IPCEF1: variants seen among roughly 807,000 people sequenced by gnomAD.
The protein encoded by IPCEF1 is interaction protein for cytohesin exchange factors 1, also known as interactor protein for cytohesin exchange factors 1.
Under a neutral mutation model 50.9 loss-of-function variants are expected in IPCEF1, and 31 were observed. The observed-to-expected ratio is 0.61, with a 90% CI of 0.46 to 0.82. The LOEUF (loss-of-function observed/expected upper bound fraction) is 0.82. IPCEF1 is among the 40% of genes least tolerant of loss of function. The pLI is 0.00. For missense variants in IPCEF1, 458 were observed against 514.0 expected, an observed-to-expected ratio of 0.89 and a Z score of 1.05; for synonymous variants, 181 against 192.0, an observed-to-expected ratio of 0.94 and a Z score of 0.47.
At chr6:154,221,602 G>A (rs759786919) in intron 6 of IPCEF1, among the ~76,000 whole-genome samples, 5 of 152,190 alleles carry the variant, frequency 3.3e-5, no homozygotes, top group Admixed American at 6.5e-5. Flanking sequence ...GGCCGGGCAC[G>A]GTGGCTCACG....
chr6:154,168,724 G>A lies in IPCEF1; in HGVS notation c.911-611C>T, dbSNP rs1332527529. On this transcript the variant is annotated intron_variant, in intron 10 of 11. Transcript: ENST00000367220. The surrounding 1 kb of genome is among the most constrained non-coding windows in gnomAD (Gnocchi z 4.1). ...AGGTTCAAGTGATTCTCCTGTCTCA[G>A]CCTCCCAAGTAGCTGGGATTACAGG... Among the ~76,000 whole-genome samples the A allele has an allele frequency of 2.0e-5, 3 of 151,918 alleles. No individual in the cohort carries two copies. Among genetic ancestry groups the A allele is most frequent in the African/African-American group, 4.8e-5 (2 of 41,348 alleles).
intron 10 of IPCEF1, among the ~76,000 whole-genome samples, chr6:154,170,013 TC>T (rs1297953196): frequency 6.6e-6 from 1 of 152,198 alleles, no homozygotes; most frequent in Non-Finnish European, 1.5e-5. Context: ...GTTGGAGCCC[TC>T]TCAGCCTGTG....
intron 10 of IPCEF1, among the ~76,000 whole-genome samples, chr6:154,191,335 T>C (rs866725736): frequency 6.6e-6 from 1 of 152,158 alleles, no homozygotes; most frequent in Non-Finnish European, 1.5e-5. Context: ...CATGACGTTA[T>C]ACATTTGTCA....
chr6:154,343,106 A>T (rs1308589412), intron 1 of IPCEF1, among the ~76,000 whole-genome samples: 1 of 152,194 alleles, frequency 6.6e-6, no homozygotes, highest in East Asian at 1.9e-4. Flanking sequence ...AAAGAGCCAG[A>T]CGCTATAAAA....
chr6:154,257,820 C>T (rs1781499413), intron 3 of IPCEF1, among the ~76,000 whole-genome samples: 1 of 152,070 alleles, frequency 6.6e-6, no homozygotes, highest in African/African-American at 2.4e-5. Flanking sequence ...CCACCGCAGC[C>T]TTCCAAGTAG....
At chr6:154,199,066 C>T (rs1776863590) in intron 10 of IPCEF1, among the ~76,000 whole-genome samples, 1 of 152,218 alleles carries the variant, frequency 6.6e-6, no homozygotes, top group South Asian at 2.1e-4. Flanking sequence ...TATTAACTTC[C>T]ACACACAATT....
intron 4 of IPCEF1, 48 bp from the exon 5 acceptor site, chr6:154,246,808 T>C (rs372106385): frequency 6.3e-7 from 1 of 1,591,450 alleles, no homozygotes; most frequent in Admixed American, 1.7e-5. Context: ...CCTGATTTGG[T>C]AGGTAAAGTA....
Position 154,287,723 on chromosome 6 carries a change from G to C in IPCEF1, c.-18+1990C>G, listed in dbSNP as rs578248820. On this transcript the variant is annotated intron_variant, in intron 2 of 11. Transcript: ENST00000367220. ...CTTATAACAAGCCATGCTCTTACTAGATGCCCACTGTGATGGGGAGGTCCC... is the reference window on the plus strand; with the variant it reads ...CTTATAACAAGCCATGCTCTTACTACATGCCCACTGTGATGGGGAGGTCCC... 4.1e-4 allele frequency among the ~76,000 whole-genome samples: 63 copies of C among 152,258 alleles called. 3 individuals carry two copies. In the South Asian group the frequency reaches 7.2e-3, roughly 18 times the overall value.
chr6:154,190,287 T>C (rs1482148173), intron 10 of IPCEF1, among the ~76,000 whole-genome samples: 1 of 151,618 alleles, frequency 6.6e-6, no homozygotes, highest in Non-Finnish European at 1.5e-5. Context: ...ATGGAAAAAA[T>C]AGGCAAAAGA....
intron 9 of IPCEF1, among the ~76,000 whole-genome samples, chr6:154,211,272 C>T (rs984023408): frequency 1.8e-4 from 28 of 151,924 alleles, no homozygotes; most frequent in African/African-American, 6.5e-4. Context: ...AAAAATTAGC[C>T]GGGCGAGGTG....
intron 5 of IPCEF1, among the ~76,000 whole-genome samples, chr6:154,245,816 G>A (rs1053702796): frequency 2.6e-5 from 4 of 152,118 alleles, no homozygotes; most frequent in African/African-American, 9.7e-5. Context: ...CTCCTCATTC[G>A]ACATTCAACA....
In IPCEF1 at chr6:154,158,498, A is replaced by T. The variant is rs189525460; in HGVS notation, c.*1330T>A. On this transcript the variant is annotated 3_prime_UTR_variant, in exon 12 of 12. Coordinates refer to ENST00000367220, the MANE Select transcript of IPCEF1 (RefSeq NM_001130700.2). Reference sequence around the variant, plus strand: ...GCTTAAAGTTTATTTAATAGAAAGGATAATCTAAGATGAAAGTCCTTTGCT... The same window carrying T: ...GCTTAAAGTTTATTTAATAGAAAGGTTAATCTAAGATGAAAGTCCTTTGCT... 1 of 152,358 alleles carries T rather than the reference A, an allele frequency of 6.6e-6. No homozygotes were observed. Among genetic ancestry groups the T allele is most frequent in the African/African-American group, 2.4e-5 (1 of 41,588 alleles). 9.4% of individuals were successfully genotyped at this position (152,358 alleles called of 1,614,324 possible).
At chr6:154,253,323 C>G (rs1407725618) in intron 3 of IPCEF1, among the ~76,000 whole-genome samples, 2 of 152,146 alleles carry the variant, frequency 1.3e-5, no homozygotes, top group Non-Finnish European at 2.9e-5. Context: ...CAGGCACGAG[C>G]CACCACATCC....
chr6:154,165,257 C>A (rs1464611758), intron 11 of IPCEF1, among the ~76,000 whole-genome samples: 2 of 152,160 alleles, frequency 1.3e-5, no homozygotes. Context: ...AGGACCCGCA[C>A]CCAGCACTCA....
intron 1 of IPCEF1, among the ~76,000 whole-genome samples, chr6:154,340,900 A>C (rs199679704): frequency 8.2e-6 from 1 of 121,826 alleles, no homozygotes; most frequent in African/African-American, 3.0e-5. Flanking sequence ...AAAAAAAAGA[A>C]ATATATATAT....
chr6:154,332,392 G>A (rs576570572), intron 1 of IPCEF1, among the ~76,000 whole-genome samples: 29 of 150,522 alleles, frequency 1.9e-4, no homozygotes, highest in South Asian at 8.6e-4. Context: ...CACTGTACCC[G>A]GCCCATGTTG....
chr6:154,175,369 A>T (rs1800225702), intron 10 of IPCEF1, among the ~76,000 whole-genome samples: 2 of 149,856 alleles, frequency 1.3e-5, no homozygotes, highest in African/African-American at 2.5e-5. Context: ...CTTTAAAAAA[A>T]TCAGTGAATC....
chr6:154,300,601 A>G (rs1448328147), intron 1 of IPCEF1, among the ~76,000 whole-genome samples: 1 of 152,170 alleles, frequency 6.6e-6, no homozygotes, highest in Non-Finnish European at 1.5e-5. Flanking sequence ...GTGACACAGT[A>G]AGACCCTGTG....
chr6:154,339,335 C>T (rs903680002), intron 1 of IPCEF1, among the ~76,000 whole-genome samples: 2 of 151,986 alleles, frequency 1.3e-5, no homozygotes, highest in Non-Finnish European at 2.9e-5. Flanking sequence ...TCATTTGGTT[C>T]AATCAACTGT....
Sources: gnomAD v4.1 joint callset for allele counts (sites outside exome capture counted in the v4.1 genomes callset) on GRCh38, gnomAD v4.1.1 for gene constraint, Gnocchi (gnomAD v3.1) non-coding constraint, MANE v1.5 for transcripts, NCBI Gene and HGNC (gene_info 2026-07-23, HGNC 2026-07-21) for gene names.